The following SYT16 variants were observed in gnomAD, a reference collection of about 807,000 sequenced individuals.
SYT16 encodes synaptotagmin 16, also known as synaptotagmin-16.
In SYT16, 42 loss-of-function variants were observed where a neutral mutation model predicts 61.4. That is an observed-to-expected ratio of 0.68 (90% CI 0.53 to 0.89). The LOEUF (loss-of-function observed/expected upper bound fraction) is 0.89, where lower values mean the gene tolerates loss of function less well. SYT16 is among the 40% of genes least tolerant of loss of function. The pLI is 0.00. For missense variants in SYT16, 804 were observed against 807.3 expected (o/e 1.00, Z 0.05); for synonymous variants, 314 against 302.3 (o/e 1.04, Z -0.40).
chr14:61,950,608 G>A (rs993596846), intron 1 of SYT16, among the ~76,000 whole-genome samples: 1 of 152,160 alleles, frequency 6.6e-6, no homozygotes, highest in East Asian at 1.9e-4. Flanking sequence ...GAATCCTATT[G>A]CTGTTCAGCT....
At chr14:61,865,363 A>T in intron 1 of SYT16, 1 of 651,950 alleles carries the variant, frequency 1.5e-6, no homozygotes, top group Non-Finnish European at 2.8e-6. Context: ...GAAACAGGGC[A>T]CACAAGAAGG....
chr14:61,818,916 A>C (rs2045529475), intron 1 of SYT16, among the ~76,000 whole-genome samples: 1 of 152,190 alleles, frequency 6.6e-6, no homozygotes, highest in Admixed American at 6.5e-5. Context: ...CTAGAAGAAA[A>C]CATAAATATG....
At chr14:61,908,050 T>G (rs1306992490) in intron 1 of SYT16, among the ~76,000 whole-genome samples, 1 of 152,248 alleles carries the variant, frequency 6.6e-6, no homozygotes, top group Non-Finnish European at 1.5e-5. Context: ...AATACTATAC[T>G]TCACAGTCCT....
chr14:61,936,288 G>A (rs1280963411), intron 1 of SYT16, among the ~76,000 whole-genome samples: 1 of 152,112 alleles, frequency 6.6e-6, no homozygotes, highest in Non-Finnish European at 1.5e-5. Context: ...CAATGCATGA[G>A]GAGTCATCAT....
At chr14:61,878,990 C>T (rs2047596784) in intron 1 of SYT16, among the ~76,000 whole-genome samples, 1 of 152,198 alleles carries the variant, frequency 6.6e-6, no homozygotes, top group South Asian at 2.1e-4. Flanking sequence ...AGTGTTGGCT[C>T]TAAACCCCCA....
At chr14:61,838,237 A>G (rs1280610235) in intron 1 of SYT16, among the ~76,000 whole-genome samples, 2 of 152,172 alleles carry the variant, frequency 1.3e-5, no homozygotes, top group Non-Finnish European at 2.9e-5. Flanking sequence ...TTAAATCTCA[A>G]TCATTACTGA....
At chr14:61,818,354 T>G (rs969421530) in intron 1 of SYT16, among the ~76,000 whole-genome samples, 1 of 152,082 alleles carries the variant, frequency 6.6e-6, no homozygotes, top group African/African-American at 2.4e-5. Flanking sequence ...ATCCCCAAGC[T>G]TTTATCAGAC....
intron 3 of SYT16, among the ~76,000 whole-genome samples, chr14:62,047,645 T>A (rs2055054777): frequency 1.4e-5 from 2 of 141,856 alleles, no homozygotes; most frequent in African/African-American, 3.0e-5. Context: ...TTGAGATATG[T>A]CCCATCAATA....
intron 3 of SYT16, among the ~76,000 whole-genome samples, chr14:62,035,640 T>C (rs529229376): frequency 1.4e-4 from 22 of 152,342 alleles, no homozygotes; most frequent in African/African-American, 5.1e-4. Flanking sequence ...GTTCCACGCA[T>C]TGCTTTGTAA....
intron 3 of SYT16, among the ~76,000 whole-genome samples, chr14:62,007,538 G>C (rs1399221017): frequency 1.3e-5 from 2 of 152,116 alleles, no homozygotes; most frequent in African/African-American, 4.8e-5. Context: ...AGTTTTCAAA[G>C]CCTTAACGTT....
At chr14:61,940,999 G>T (rs552024079) in intron 1 of SYT16, among the ~76,000 whole-genome samples, 4 of 152,094 alleles carry the variant, frequency 2.6e-5, no homozygotes, top group Non-Finnish European at 4.4e-5. Context: ...CCCCTTTCCC[G>T]TGCAGAAGGA....
At position 61,846,083 on chromosome 14, in the gene SYT16, A is replaced by G. The variant is rs1012935932; in HGVS notation, c.-325+33273A>G. Reference sequence around the variant, plus strand: ...TAAGACTTGTTTTTTGACCTAACATATGGTCTATTCATGTGCTGGGGAAAA... The same window carrying G: ...TAAGACTTGTTTTTTGACCTAACATGTGGTCTATTCATGTGCTGGGGAAAA... On this transcript the variant is annotated intron_variant, in intron 1 of 7. Coordinates refer to ENST00000683842, the MANE Select transcript of SYT16 (RefSeq NM_001367656.1). Among the ~76,000 whole-genome samples the G allele has an allele frequency of 1.6e-4, 24 of 152,128 alleles. 1 individual carries two copies. The highest frequency in any genetic ancestry group is 5.8e-4 in the African/African-American group (24 of 41,448).
intron 1 of SYT16, among the ~76,000 whole-genome samples, chr14:61,964,202 T>A (rs1054591554): frequency 1.3e-5 from 2 of 152,204 alleles, no homozygotes; most frequent in African/African-American, 4.8e-5. Context: ...TGCAAGGCTA[T>A]AACTTCCATA....
At chr14:61,833,511 C>T (rs1265592388) in intron 1 of SYT16, among the ~76,000 whole-genome samples, 1 of 151,492 alleles carries the variant, frequency 6.6e-6, no homozygotes, top group Non-Finnish European at 1.5e-5. Flanking sequence ...AGGCTGGTCT[C>T]GAACTTCTGA....
chr14:61,915,870 C>G (rs993509622), intron 1 of SYT16, among the ~76,000 whole-genome samples: 10 of 152,140 alleles, frequency 6.6e-5, no homozygotes, highest in Admixed American at 5.2e-4. Context: ...TAATCCTTTC[C>G]CTGCTGACAT....
intron 1 of SYT16, among the ~76,000 whole-genome samples, chr14:61,934,233 T>C (rs1157412037): frequency 2.0e-5 from 3 of 152,212 alleles, no homozygotes; most frequent in African/African-American, 4.8e-5. Flanking sequence ...TGACATTTAG[T>C]TGATTTCTAT....
intron 1 of SYT16, among the ~76,000 whole-genome samples, chr14:61,948,520 C>T (rs961113308): frequency 1.2e-4 from 19 of 152,074 alleles, no homozygotes; most frequent in African/African-American, 4.1e-4. Flanking sequence ...TGAAGCACTC[C>T]GCTAAGAATG....
chr14:61,890,809 G>A (rs1566656529), intron 1 of SYT16, among the ~76,000 whole-genome samples: 1 of 152,174 alleles, frequency 6.6e-6, no homozygotes, highest in Non-Finnish European at 1.5e-5. Context: ...GGAGAGGGCT[G>A]GCTTCCTGCA....
At chr14:61,969,086 G>T (rs2051435979) in intron 1 of SYT16, among the ~76,000 whole-genome samples, 2 of 152,086 alleles carry the variant, frequency 1.3e-5, no homozygotes, top group South Asian at 4.1e-4. Context: ...GGATAGTAAG[G>T]TTAGGTGAGT....
Sources: allele counts gnomAD v4.1 joint callset (sites outside exome capture counted in the v4.1 genomes callset), GRCh38; gene constraint gnomAD v4.1.1; transcripts MANE v1.5; gene names NCBI Gene and HGNC (gene_info 2026-07-23, HGNC 2026-07-21).